Variants in ZFAND4 observed in about 807,000 individuals in gnomAD.
ZFAND4 encodes the protein zinc finger AN1-type containing 4.
A neutral mutation model predicts 64.4 loss-of-function variants in ZFAND4; 43 were observed. The observed-to-expected ratio is 0.67, with a 90% CI of 0.52 to 0.86. The LOEUF (loss-of-function observed/expected upper bound fraction) is 0.86. Among genes scored for constraint, ZFAND4 ranks in the 40% least tolerant of loss-of-function variants. The pLI, the probability that ZFAND4 is intolerant of heterozygous loss-of-function variation, is 0.00. For missense variants in ZFAND4, 929 were observed against 859.8 expected (o/e 1.08, Z -1.01); for synonymous variants, 296 against 305.7 (o/e 0.97, Z 0.33).
chr10:45,626,339 T>C lies in ZFAND4; in HGVS notation c.1484A>G (p.Lys495Arg). Residue 495 changes from lysine (K) to arginine (R), a missense_variant, in exon 7 of 10, where the codon AAA (lysine) becomes AGA (arginine). Lys to Arg is a conservative substitution (Grantham distance 26). Transcript: ENST00000344646. Reference protein sequence around the residue: ...NSLVKPERQSKCFEFGKLQPS... With the variant: ...NSLVKPERQSRCFEFGKLQPS... The stretch of plus-strand genomic sequence containing the variant: ...CTGTAGCTTCCCAAACTCAAAACAT[T>C]TGGACTGTCTCTCTGGTTTCACCAG... 6.2e-7 allele frequency: 1 copy of C among 1,614,098 alleles called. No homozygotes were observed. Among genetic ancestry groups the C allele is most frequent in the Non-Finnish European group, 8.5e-7 (1 of 1,180,020 alleles).
intron 6 of ZFAND4, among the ~76,000 whole-genome samples, chr10:45,637,612 T>G (rs1049443270): frequency 3.3e-5 from 5 of 151,816 alleles, no homozygotes; most frequent in African/African-American, 1.2e-4. Flanking sequence ...TAGCCGGGCG[T>G]GGAGATGCGC....
chr10:45,617,591 G>GGAA (rs771265046), intron 9 of ZFAND4, among the ~76,000 whole-genome samples: 58 of 71,078 alleles, frequency 8.2e-4, no homozygotes, highest in African/African-American at 2.9e-3. Flanking sequence ...TTACAGTACT[G>GGAA]AAAAAAAAAA....
In ZFAND4 at chr10:45,626,543, A is replaced by G. The variant is rs1378748774; in HGVS notation, c.1280T>C (p.Leu427Pro). Residue 427 changes from leucine (L) to proline (P), a missense_variant, in exon 7 of 10, where the codon CTA becomes CCA. Transcript: ENST00000344646. Reference sequence around the variant, plus strand: ...CAACCCTTTGTCAGCATTAGTGAGTAGCAACTCCAGATTCACTTTGCACGC... The same window carrying G: ...CAACCCTTTGTCAGCATTAGTGAGTGGCAACTCCAGATTCACTTTGCACGC... ...EGACKVNLEL[L>P]LTNADKGLKA... 1.9e-6 allele frequency: 3 copies of G among 1,614,102 alleles called. No individual in the cohort carries two copies. The highest frequency in any genetic ancestry group is 2.2e-5 in the South Asian group (2 of 91,082).
chr10:45,662,711 A>C, intron 2 of ZFAND4: 25 of 959,968 alleles, frequency 2.6e-5, no homozygotes, highest in East Asian at 1.1e-4. Context: ...TCAGGAGCTC[A>C]TATATATCCT....
At chr10:45,648,576 G>A in intron 4 of ZFAND4, 42 bp from the exon 5 acceptor site, 1 of 1,563,070 alleles carries the variant, frequency 6.4e-7, no homozygotes, top group Non-Finnish European at 8.7e-7. Context: ...TTTGGATCAA[G>A]TTTTATGCAT....
chr10:45,628,896 C>CAAAAAAAAAAAAAAAAAAAAAAGGA (rs74412113), intron 6 of ZFAND4, among the ~76,000 whole-genome samples: 1 of 45,468 alleles, frequency 2.2e-5, no homozygotes, highest in Non-Finnish European at 4.9e-5. Context: ...GGAGCTTCAC[C>CAAAAAAAAAAAAAAAAAAAAAAGGA]AAAAAAAAAA....
chr10:45,619,768 A>G (rs1461685671), intron 8 of ZFAND4, among the ~76,000 whole-genome samples: 2 of 152,098 alleles, frequency 1.3e-5, no homozygotes, highest in African/African-American at 4.8e-5. Context: ...CTTCTTTATT[A>G]CCAGTATAAA....
At chr10:45,656,501 C>CAAA (rs541781976) in intron 2 of ZFAND4, among the ~76,000 whole-genome samples, 39 of 24,664 alleles carry the variant, frequency 1.6e-3, no homozygotes, top group African/African-American at 3.7e-3. Flanking sequence ...GAACCTGTCT[C>CAAA]AAAAAAAAAA....
In ZFAND4 at chr10:45,653,018, C is replaced by A. The variant is rs1333479521; in HGVS notation, c.226G>T (p.Glu76Ter). 1.2e-6 allele frequency: 2 copies of A among 1,612,030 alleles called. No individual in the cohort carries two copies. Among genetic ancestry groups the A allele is most frequent in the African/African-American group, 1.3e-5 (1 of 74,926 alleles). ...TTCAAGCAATAATCATTTTCAAGTT[C>A]CATGTTATTCCAAATTAAGTGTTGT... is the stretch of plus-strand genomic sequence containing the variant. ...CRQHLIWNNM[E>*]LENDYCLNDY... The change falls in exon 3 of 10, where the codon GAA becomes TAA. Residue 76 changes from glutamate (E) to a stop codon, truncating the protein, a stop_gained. Transcript: ENST00000344646. LOFTEE classifies it high-confidence loss of function.
At chr10:45,642,887 T>G (rs2047111551) in intron 5 of ZFAND4, among the ~76,000 whole-genome samples, 2 of 150,526 alleles carry the variant, frequency 1.3e-5, no homozygotes, top group Admixed American at 1.3e-4. Context: ...TTTTTTTTAG[T>G]GCTATATGTA....
intron 6 of ZFAND4, among the ~76,000 whole-genome samples, chr10:45,635,622 A>G (rs1188544994): frequency 1.3e-5 from 2 of 152,230 alleles, no homozygotes; most frequent in Non-Finnish European, 2.9e-5. Flanking sequence ...ACTTATGTTC[A>G]TAGCACCATT....
At chr10:45,664,143 G>A (rs2133859092) in intron 1 of ZFAND4, among the ~76,000 whole-genome samples, 1 of 152,206 alleles carries the variant, frequency 6.6e-6, no homozygotes, top group African/African-American at 2.4e-5. Context: ...TGATATATAA[G>A]CCAAACTCAA....
At chr10:45,659,424 C>A (rs1001591883) in intron 2 of ZFAND4, among the ~76,000 whole-genome samples, 1 of 152,126 alleles carries the variant, frequency 6.6e-6, no homozygotes, top group South Asian at 2.1e-4. Flanking sequence ...CAAGAAAAAA[C>A]TAGAGGAATT....
chr10:45,623,829 T>G (rs2045606439), intron 8 of ZFAND4, among the ~76,000 whole-genome samples: 1 of 152,164 alleles, frequency 6.6e-6, no homozygotes, highest in Admixed American at 6.5e-5. Flanking sequence ...GCAAATAGAT[T>G]ATGATTTTAT....
chr10:45,632,339 C>T lies in ZFAND4; in HGVS notation c.718-5234G>A, dbSNP rs61501622. On this transcript the variant is annotated intron_variant, in intron 6 of 9. Coordinates refer to ENST00000344646, the MANE Select transcript of ZFAND4 (RefSeq NM_174890.4). ...TGCCATTGCACTCCAGCCTGGGTGA[C>T]AGGGCAAGACTCCATCTCAAAATAA... 7.9e-3 allele frequency among the ~76,000 whole-genome samples: 1,194 copies of T among 151,754 alleles called. 11 individuals carry two copies. Among genetic ancestry groups the T allele is most frequent in the African/African-American group, 0.027 (1,139 of 41,470 alleles).
intron 2 of ZFAND4, among the ~76,000 whole-genome samples, chr10:45,656,727 A>T (rs980928313): frequency 6.6e-6 from 1 of 151,986 alleles, no homozygotes; most frequent in African/African-American, 2.4e-5. Context: ...TACCCAATAT[A>T]ATGGTATCAG....
At chr10:45,622,522 T>G (rs528784078) in intron 8 of ZFAND4, among the ~76,000 whole-genome samples, 2 of 151,676 alleles carry the variant, frequency 1.3e-5, no homozygotes, top group Admixed American at 1.3e-4. Flanking sequence ...GCATCGGATT[T>G]CCTAATGTGT....
rs575965595 is a variant in ZFAND4 at position 45,659,902 on chromosome 10, G to A, written c.184+3640C>T. Among the ~76,000 whole-genome samples the A allele has an allele frequency of 4.6e-5, 7 of 152,268 alleles. No homozygotes were observed. The South Asian group carries it at 1.5e-3, about 32-fold the overall frequency. ...TTTGAAAAATGGCAACAGAGGCCGG[G>A]CGCGGTGGCTCACGCCTGGAATCCC... On this transcript the variant is annotated intron_variant, in intron 2 of 9. Coordinates refer to ENST00000344646, the MANE Select transcript of ZFAND4 (RefSeq NM_174890.4).
At chr10:45,667,202 A>G (rs1374828819) in intron 1 of ZFAND4, among the ~76,000 whole-genome samples, 1 of 152,074 alleles carries the variant, frequency 6.6e-6, no homozygotes, top group East Asian at 1.9e-4. Flanking sequence ...TTTATTCCTA[A>G]GTATTTTATT....
Sources: allele counts gnomAD v4.1 joint callset (sites outside exome capture counted in the v4.1 genomes callset), GRCh38; gene constraint gnomAD v4.1.1; transcripts MANE v1.5; gene names NCBI Gene and HGNC (gene_info 2026-07-23, HGNC 2026-07-21).